TACC3: variants seen among roughly 807,000 people sequenced by gnomAD.
The protein encoded by TACC3 is transforming acidic coiled-coil-containing protein 3.
In TACC3, 52 loss-of-function variants were observed where a neutral mutation model predicts 86.0. That is an observed-to-expected ratio of 0.60 (90% CI 0.48 to 0.76). The LOEUF (loss-of-function observed/expected upper bound fraction) is 0.76. TACC3 is among the 30% of genes least tolerant of loss of function. TACC3 has a pLI of 0.00. For missense variants in TACC3, 1,120 were observed against 1,070.4 expected (o/e 1.05, Z -0.65); for synonymous variants, 512 against 430.0 (o/e 1.19, Z -2.36).
chr4:1,737,720 A>G lies in TACC3; in HGVS notation c.1941+18A>G, dbSNP rs1428466334. 6.5e-7 allele frequency: 1 copy of G among 1,548,808 alleles called. No homozygotes were observed. The highest frequency in any genetic ancestry group is 1.2e-5 in the South Asian group (1 of 83,990). ...ATGCAGTGGTAAGGACGCAGGTAGT[A>G]GCTATTCCACAGAACCTGCAGGCCG... On this transcript the variant is annotated intron_variant, in intron 10 of 15. Transcript: ENST00000313288.
In TACC3 at chr4:1,733,967, A is replaced by ACTGTTG. The variant is rs1553828351; in HGVS notation, c.1592-1304_1592-1303insGTTGCT. On this transcript the variant is annotated intron_variant, in intron 6 of 15. Transcript: ENST00000313288. ...CACTCCACCTGAGCAACAGAGCAAG[A>ACTGTTG]CTCTGTCTCAAAAAAAAAAAAAAGA... Among the ~76,000 whole-genome samples, 93 of 142,674 alleles carry ACTGTTG rather than the reference A, an allele frequency of 6.5e-4. 1 individual carries two copies. The East Asian group carries it at 0.017, about 27-fold the overall frequency. The allele number at this position is 142,674 out of a possible 152,430, so 93.6% of individuals were successfully genotyped here. A position where few individuals can be genotyped will look rare whatever the true frequency, so the allele number is the denominator to read the frequency against.
At chr4:1,730,424 T>C (rs1237012180) in intron 4 of TACC3, 1 of 276,374 alleles carries the variant, frequency 3.6e-6, no homozygotes, top group African/African-American at 2.2e-5. Context: ...GATATTCATA[T>C]ATAATCATAT....
Position 1,730,783 on chromosome 4 carries a change from G to T in TACC3, c.1386-104G>T, listed in dbSNP as rs746900372. 3 of 1,283,264 alleles carry T rather than the reference G, an allele frequency of 2.3e-6. No individual in the cohort carries two copies. In the South Asian group the frequency reaches 3.7e-5, roughly 16 times the overall value. 79.5% of individuals were successfully genotyped at this position (1,283,264 alleles called of 1,614,324 possible). A position where few individuals can be genotyped will look rare whatever the true frequency, so the allele number is the denominator to read the frequency against. Reference sequence around the variant, plus strand: ...GCTCTAGCTGAATGTTCACGTGGCCGGCACAGCAGTGCAGGGAAAGGCGAT... The same window carrying T: ...GCTCTAGCTGAATGTTCACGTGGCCTGCACAGCAGTGCAGGGAAAGGCGAT... On this transcript the variant is annotated intron_variant, in intron 4 of 15. Transcript: ENST00000313288.
chr4:1,723,594 C>A lies in TACC3; in HGVS notation c.162+11C>A. Reference sequence around the variant, plus strand: ...GCCAAAGCTATGAAGGTAAGTGTGACCTGTACAGTGTGTGGCTGGCCAGGT... The same window carrying A: ...GCCAAAGCTATGAAGGTAAGTGTGAACTGTACAGTGTGTGGCTGGCCAGGT... On this transcript the variant is annotated intron_variant, in intron 2 of 15. Coordinates refer to ENST00000313288, the MANE Select transcript of TACC3 (RefSeq NM_006342.3). The A allele has an allele frequency of 6.2e-7, 1 of 1,611,692 alleles. No homozygotes were observed. Among genetic ancestry groups the A allele is most frequent in the Non-Finnish European group, 8.5e-7 (1 of 1,178,730 alleles).
At chr4:1,737,484 C>A in intron 9 of TACC3, 114 bp from the exon 10 acceptor site, 1 of 1,088,406 alleles carries the variant, frequency 9.2e-7, no homozygotes, top group Non-Finnish European at 1.3e-6. Context: ...TGTCTCGGGT[C>A]CCTCATGCAC....
Position 1,735,146 on chromosome 4 carries a change from C to A in TACC3, c.1592-127C>A. 7.5e-7 allele frequency: 1 copy of A among 1,330,596 alleles called. No homozygotes were observed. Among genetic ancestry groups the A allele is most frequent in the Non-Finnish European group, 1.1e-6 (1 of 948,050 alleles). The allele number at this position is 1,330,596 out of a possible 1,614,324, so 82.4% of individuals were successfully genotyped here. On this transcript the variant is annotated intron_variant, in intron 6 of 15. Transcript: ENST00000313288. The surrounding 1 kb of genome is among the most constrained non-coding windows in gnomAD (Gnocchi z 4.2). ...AGCAGTCAGGCCCCGAACATCCACA[C>A]CTCCAAGGGAGGAAATACTGCTGGC... is the stretch of plus-strand genomic sequence containing the variant.
rs1718790816 is a variant in TACC3, at chr4:1,745,163, C to A, written c.*150C>A. The A allele has an allele frequency of 1.1e-6, 1 of 871,556 alleles. No homozygotes were observed. Among genetic ancestry groups the A allele is most frequent in the Non-Finnish European group, 1.7e-6 (1 of 577,508 alleles). The allele number at this position is 871,556 out of a possible 1,614,324, so 54.0% of individuals were successfully genotyped here. ...ACATGACTCAATAAAAGTTTCCTTT[C>A]AATTTAAACACTGAAGCCGCTCTGG... On this transcript the variant is annotated 3_prime_UTR_variant, in exon 16 of 16. Coordinates refer to ENST00000313288, the MANE Select transcript of TACC3 (RefSeq NM_006342.3).
rs1375594767 is a variant in TACC3 at position 1,735,164 on chromosome 4, C to T, written c.1592-109C>T. ...ATCCACACCTCCAAGGGAGGAAATA[C>T]TGCTGGCTGGAATGATCCTGCCTCA... On this transcript the variant is annotated intron_variant, in intron 6 of 15. Transcript: ENST00000313288. The surrounding 1 kb of genome is among the most constrained non-coding windows in gnomAD (Gnocchi z 4.2). The T allele has an allele frequency of 6.9e-7, 1 of 1,455,170 alleles. No individual in the cohort carries two copies. Among genetic ancestry groups the T allele is most frequent in the Non-Finnish European group, 9.5e-7 (1 of 1,049,930 alleles). 90.1% of individuals were successfully genotyped at this position (1,455,170 alleles called of 1,614,324 possible).
chr4:1,742,813 C>G (rs1487017405), intron 13 of TACC3, among the ~76,000 whole-genome samples: 1 of 94,766 alleles, frequency 1.1e-5, no homozygotes, highest in African/African-American at 3.4e-5. Flanking sequence ...AAAAAAAATA[C>G]AAAAATTAGT....
intron 13 of TACC3, among the ~76,000 whole-genome samples, chr4:1,743,724 C>G (rs1038482494): frequency 5.3e-5 from 8 of 152,120 alleles, no homozygotes; most frequent in African/African-American, 1.9e-4. Context: ...GCCGCTGTGG[C>G]GGGAGGCTTG....
At position 1,735,163 on chromosome 4, in the gene TACC3, A is replaced by C; in HGVS notation, c.1592-110A>C. The C allele has an allele frequency of 6.9e-7, 1 of 1,446,860 alleles. No individual in the cohort carries two copies. Among genetic ancestry groups the C allele is most frequent in the Non-Finnish European group, 9.6e-7 (1 of 1,043,478 alleles). The allele number at this position is 1,446,860 out of a possible 1,614,324, so 89.6% of individuals were successfully genotyped here. On this transcript the variant is annotated intron_variant, in intron 6 of 15. Coordinates refer to ENST00000313288, the MANE Select transcript of TACC3 (RefSeq NM_006342.3). This position sits in a 1 kb window ranked among gnomAD's most constrained non-coding sequence, Gnocchi z 4.2. ...CATCCACACCTCCAAGGGAGGAAAT[A>C]CTGCTGGCTGGAATGATCCTGCCTC...
Position 1,728,576 on chromosome 4 carries a change from G to C in TACC3, c.1174G>C (p.Glu392Gln). ...EEDDGRSGAG[E>Q]DPPMPASRGS... ...GGACGACGGTAGGAGCGGAGCAGGA[G>C]AGGACCCCCCCATGCCAGCTTCTCG... is the stretch of plus-strand genomic sequence containing the variant. Residue 392 changes from glutamate to glutamine, a missense_variant, in exon 4 of 16, where the codon GAG (glutamate) becomes CAG (glutamine). Coordinates refer to ENST00000313288, the MANE Select transcript of TACC3 (RefSeq NM_006342.3). 3 of 1,614,024 alleles carry C rather than the reference G, an allele frequency of 1.9e-6. No individual in the cohort carries two copies. The highest frequency in any genetic ancestry group is 2.5e-6 in the Non-Finnish European group (3 of 1,179,992).
intron 12 of TACC3, 47 bp downstream of exon 12, chr4:1,740,049 C>T: frequency 1.3e-6 from 2 of 1,594,722 alleles, no homozygotes; most frequent in South Asian, 2.2e-5. Flanking sequence ...GAGGGGCTGC[C>T]TATGCCCCAC....
Position 1,727,889 on chromosome 4 carries a change from A to G in TACC3, c.487A>G (p.Ser163Gly). The change falls in exon 4 of 16, where the codon AGT (serine) becomes GGT (glycine). Residue 163 changes from serine (S) to glycine (G), a missense_variant. Coordinates refer to ENST00000313288, the MANE Select transcript of TACC3 (RefSeq NM_006342.3). ...CTCAAGCTCTTCCCAGAGCCCAGGA[A>G]GTTCTGAGAACCAAATGGTGTCTCC... ...DCSSSSQSPG[S>G]SENQMVSPGK... 1 of 1,613,940 alleles carries G rather than the reference A, an allele frequency of 6.2e-7. No homozygotes were observed. The highest frequency in any genetic ancestry group is 8.5e-7 in the Non-Finnish European group (1 of 1,180,036).
chr4:1,734,656 TG>T (rs1366540220), intron 6 of TACC3, among the ~76,000 whole-genome samples: 1 of 152,090 alleles, frequency 6.6e-6, no homozygotes, highest in East Asian at 1.9e-4. Flanking sequence ...AGTTAATCTT[TG>T]TATGTGGTAT....
chr4:1,723,095 T>G, intron 1 of TACC3: 1 of 255,324 alleles, frequency 3.9e-6, no homozygotes, highest in Non-Finnish European at 7.6e-6. Context: ...CTGCTTGATA[T>G]AGTAATACAG....
At chr4:1,726,414 GTTT>G (rs1717692813) in intron 3 of TACC3, among the ~76,000 whole-genome samples, 1 of 152,168 alleles carries the variant, frequency 6.6e-6, no homozygotes, top group South Asian at 2.1e-4. Flanking sequence ...GAAAACCTTT[GTTT>G]ACCACGCCCC....
At position 1,745,035 on chromosome 4, in the gene TACC3, C is replaced by T. The variant is rs376061018; in HGVS notation, c.*22C>T. The T allele has an allele frequency of 2.4e-5, 38 of 1,590,154 alleles. 1 individual carries two copies. Among genetic ancestry groups the T allele is most frequent in the South Asian group, 1.3e-4 (11 of 87,582 alleles). Reference sequence around the variant, plus strand: ...CTGACCTCCACGGAGCCGCTGTCCCCGCCCCCCTGCTCCCGTCTGTCTGTC... The same window carrying T: ...CTGACCTCCACGGAGCCGCTGTCCCTGCCCCCCTGCTCCCGTCTGTCTGTC... On this transcript the variant is annotated 3_prime_UTR_variant, in exon 16 of 16. Coordinates refer to ENST00000313288, the MANE Select transcript of TACC3 (RefSeq NM_006342.3).
chr4:1,735,152 A>C lies in TACC3; in HGVS notation c.1592-121A>C. On this transcript the variant is annotated intron_variant, in intron 6 of 15. Transcript: ENST00000313288. The surrounding 1 kb of genome is among the most constrained non-coding windows in gnomAD (Gnocchi z 4.2). Reference sequence around the variant, plus strand: ...CAGGCCCCGAACATCCACACCTCCAAGGGAGGAAATACTGCTGGCTGGAAT... The same window carrying C: ...CAGGCCCCGAACATCCACACCTCCACGGGAGGAAATACTGCTGGCTGGAAT... 7.3e-7 allele frequency: 1 copy of C among 1,369,306 alleles called. No individual in the cohort carries two copies. Among genetic ancestry groups the C allele is most frequent in the Admixed American group, 1.8e-5 (1 of 54,192 alleles). 84.8% of individuals were successfully genotyped at this position (1,369,306 alleles called of 1,614,324 possible). A position where few individuals can be genotyped will look rare whatever the true frequency, so the allele number is the denominator to read the frequency against.
Sources: allele counts gnomAD v4.1 joint callset (sites outside exome capture counted in the v4.1 genomes callset), GRCh38; gene constraint gnomAD v4.1.1; non-coding constraint Gnocchi (gnomAD v3.1); transcripts MANE v1.5; gene names NCBI Gene and HGNC (gene_info 2026-07-23, HGNC 2026-07-21).